Variants in CCDC85A observed in about 807,000 individuals in gnomAD.
CCDC85A encodes the protein coiled-coil domain-containing protein 85A.
CCDC85A carries 38 observed loss-of-function variants against 50.2 expected under a neutral mutation model. The ratio of observed to expected loss-of-function variants is 0.76; its 90% confidence interval spans 0.58 to 0.99. The LOEUF (loss-of-function observed/expected upper bound fraction) is 0.99, where lower values mean the gene tolerates loss of function less well. Ranked by LOEUF, CCDC85A falls within the 50% of genes least tolerant of loss-of-function variation. CCDC85A has a pLI of 0.00. For synonymous variants in CCDC85A, 366 were observed against 301.4 expected (o/e 1.21, Z -2.22); for missense variants, 820 against 742.0 (o/e 1.11, Z -1.22).
intron 2 of CCDC85A, among the ~76,000 whole-genome samples, chr2:56,247,303 G>T (rs1182964253): frequency 1.3e-5 from 2 of 152,132 alleles, no homozygotes. Flanking sequence ...TGAATGAAGA[G>T]AAATTTAAAG....
chr2:56,374,248 C>T (rs1240020548), intron 4 of CCDC85A, among the ~76,000 whole-genome samples: 3 of 152,074 alleles, frequency 2.0e-5, no homozygotes, highest in East Asian at 1.9e-4. Context: ...GGTGCAGGAC[C>T]TGACTGGATT....
chr2:56,200,404 C>G (rs969676743), intron 2 of CCDC85A, among the ~76,000 whole-genome samples: 3 of 152,134 alleles, frequency 2.0e-5, no homozygotes, highest in African/African-American at 7.2e-5. Context: ...GGCTGATTTG[C>G]AAGAGAGCTG....
intron 2 of CCDC85A, among the ~76,000 whole-genome samples, chr2:56,269,462 A>T (rs1252134973): frequency 1.3e-5 from 2 of 152,094 alleles, no homozygotes; most frequent in Non-Finnish European, 2.9e-5. Flanking sequence ...CTATGTGAAA[A>T]CATTGCTAGG....
chr2:56,280,485 G>A (rs1398537114), intron 2 of CCDC85A, among the ~76,000 whole-genome samples: 3 of 152,052 alleles, frequency 2.0e-5, no homozygotes, highest in Non-Finnish European at 4.4e-5. Context: ...TTGCTTGACC[G>A]TCCATAGTAC....
rs369752938 is a variant in CCDC85A, at chr2:56,376,914, A to G, written c.1572+979A>G. Among the ~76,000 whole-genome samples, 14 of 152,310 alleles carry G rather than the reference A, an allele frequency of 9.2e-5. No individual in the cohort carries two copies. The East Asian group carries it at 2.3e-3, about 25-fold the overall frequency. On this transcript the variant is annotated intron_variant, in intron 5 of 5. Coordinates refer to ENST00000407595, the MANE Select transcript of CCDC85A (RefSeq NM_001080433.2). The stretch of plus-strand genomic sequence containing the variant: ...AAAATGATTTATCATCAGCCTGGAG[A>G]TGCACTCCTCTTTTGGAGTGGGCCA...
chr2:56,226,087 A>C (rs929665475), intron 2 of CCDC85A, among the ~76,000 whole-genome samples: 1 of 152,218 alleles, frequency 6.6e-6, no homozygotes, highest in Admixed American at 6.5e-5. Context: ...TGCAAGCTGC[A>C]ATGGGATTAT....
intron 2 of CCDC85A, among the ~76,000 whole-genome samples, chr2:56,213,333 G>A (rs1274033900): frequency 6.6e-6 from 1 of 151,896 alleles, no homozygotes; most frequent in African/African-American, 2.4e-5. Context: ...TGCTATTAGA[G>A]TGTTAGGTCA....
chr2:56,190,835 T>A (rs998137651), intron 1 of CCDC85A, among the ~76,000 whole-genome samples: 1 of 152,102 alleles, frequency 6.6e-6, no homozygotes, highest in Non-Finnish European at 1.5e-5. Context: ...CCTTCTTTCC[T>A]CCCCTACCCC....
intron 2 of CCDC85A, among the ~76,000 whole-genome samples, chr2:56,260,379 G>C (rs1670167694): frequency 6.6e-6 from 1 of 152,204 alleles, no homozygotes; most frequent in South Asian, 2.1e-4. Context: ...TCTTTCCTTT[G>C]ATCAGTGTTC....
intron 2 of CCDC85A, among the ~76,000 whole-genome samples, chr2:56,198,864 T>C (rs1293058564): frequency 1.3e-5 from 2 of 152,240 alleles, no homozygotes; most frequent in Non-Finnish European, 2.9e-5. Flanking sequence ...GTCTGCACAA[T>C]GCCAAACATT....
intron 2 of CCDC85A, among the ~76,000 whole-genome samples, chr2:56,314,154 T>C (rs2104236202): frequency 6.7e-6 from 1 of 149,464 alleles, no homozygotes; most frequent in African/African-American, 2.5e-5. Flanking sequence ...CACTTAGCCA[T>C]AGTGGGAGGG....
intron 2 of CCDC85A, among the ~76,000 whole-genome samples, chr2:56,276,153 C>G (rs558785504): frequency 2.6e-5 from 4 of 152,194 alleles, no homozygotes; most frequent in Non-Finnish European, 5.9e-5. Context: ...AATTTAGAAA[C>G]TCATTAATTT....
At chr2:56,285,847 G>A (rs1368626283) in intron 2 of CCDC85A, among the ~76,000 whole-genome samples, 1 of 151,710 alleles carries the variant, frequency 6.6e-6, no homozygotes. Flanking sequence ...ATGTGTGTTC[G>A]GCTGGTATCA....
intron 3 of CCDC85A, among the ~76,000 whole-genome samples, chr2:56,367,350 C>A (rs1477608364): frequency 6.6e-6 from 1 of 151,974 alleles, no homozygotes; most frequent in African/African-American, 2.4e-5. Context: ...ATACTTAGAC[C>A]ATTTGAGGGC....
At chr2:56,270,021 C>T (rs1670629830) in intron 2 of CCDC85A, among the ~76,000 whole-genome samples, 1 of 152,126 alleles carries the variant, frequency 6.6e-6, no homozygotes. Context: ...GTGTCAGATT[C>T]ATTTTGTGTA....
At chr2:56,201,001 A>T (rs1446065882) in intron 2 of CCDC85A, among the ~76,000 whole-genome samples, 3 of 151,436 alleles carry the variant, frequency 2.0e-5, no homozygotes, top group African/African-American at 7.3e-5. Flanking sequence ...CTTTTCCATG[A>T]GACAGGAGAT....
intron 2 of CCDC85A, among the ~76,000 whole-genome samples, chr2:56,314,269 A>G (rs1672822135): frequency 2.6e-5 from 4 of 151,626 alleles, no homozygotes; most frequent in South Asian, 2.1e-4. Context: ...GTGTGATGGT[A>G]TAGAAGAGAT....
At chr2:56,204,266 C>A (rs6727486) in intron 2 of CCDC85A, among the ~76,000 whole-genome samples, 39,322 of 152,106 alleles carry the variant, frequency 0.26, 6,070 homozygotes, top group African/African-American at 0.44. Context: ...TCTCCAAAGA[C>A]ATACCGATAA....
chr2:56,345,532 A>G (rs185484387), intron 3 of CCDC85A, among the ~76,000 whole-genome samples: 3 of 152,344 alleles, frequency 2.0e-5, no homozygotes, highest in Admixed American at 6.5e-5. Context: ...TTAAATTTCT[A>G]TATCAGAGAG....
Sources: allele counts gnomAD v4.1 joint callset (sites outside exome capture counted in the v4.1 genomes callset), GRCh38; gene constraint gnomAD v4.1.1; transcripts MANE v1.5; gene names NCBI Gene and HGNC (gene_info 2026-07-23, HGNC 2026-07-21).